Variants in GALNT13 observed in about 807,000 individuals in gnomAD.
The protein encoded by GALNT13 is UDP-GalNAc:polypeptide N-acetylgalactosaminyltransferase 13.
Under a neutral mutation model 64.2 loss-of-function variants are expected in GALNT13, and 28 were observed. The observed-to-expected ratio is 0.44, with a 90% CI of 0.32 to 0.60. The LOEUF is 0.60. Among genes scored for constraint, GALNT13 ranks in the 20% least tolerant of loss-of-function variants. The probability of loss-of-function intolerance (pLI) is 0.05; values close to 1 mark genes in which losing one functional copy is unlikely to be tolerated. For missense variants in GALNT13, 577 were observed against 669.8 expected (o/e 0.86, Z 1.53); for synonymous variants, 214 against 224.6 (o/e 0.95, Z 0.42).
intron 1 of GALNT13, among the ~76,000 whole-genome samples, chr2:153,884,824 T>C (rs560401334): frequency 8.4e-4 from 95 of 112,538 alleles, no homozygotes; most frequent in Admixed American, 1.8e-3. Context: ...TGTGTGTATA[T>C]ATATGTGTGT....
chr2:154,114,677 T>A (rs1703186789), intron 3 of GALNT13, among the ~76,000 whole-genome samples: 1 of 152,154 alleles, frequency 6.6e-6, no homozygotes, highest in Non-Finnish European at 1.5e-5. Flanking sequence ...GGGCCATGTT[T>A]CTCTGTTTTT....
chr2:154,363,549 A>C (rs1300316898), intron 9 of GALNT13, among the ~76,000 whole-genome samples: 1 of 152,214 alleles, frequency 6.6e-6, no homozygotes, highest in Non-Finnish European at 1.5e-5. Flanking sequence ...TGGTGATGAA[A>C]GAAAATTAAA....
chr2:153,429,703 T>C, the GALNT13 span, among the ~76,000 whole-genome samples: 1 of 152,128 alleles, frequency 6.6e-6, no homozygotes, highest in African/African-American at 2.4e-5. Flanking sequence ...CTGCTGGTAT[T>C]TCGAAGTACA....
intron 1 of GALNT13, among the ~76,000 whole-genome samples, chr2:153,896,779 C>A (rs1687922867): frequency 6.6e-6 from 1 of 152,050 alleles, no homozygotes; most frequent in Non-Finnish European, 1.5e-5. Context: ...TTGTTCTCTT[C>A]TTAAAAATAC....
intron 3 of GALNT13, among the ~76,000 whole-genome samples, chr2:154,102,069 T>C (rs1410189244): frequency 1.3e-5 from 2 of 152,216 alleles, no homozygotes; most frequent in Non-Finnish European, 2.9e-5. Flanking sequence ...AGGTATATGG[T>C]CAATTTTGAA....
At chr2:153,139,123 A>G in the GALNT13 span, among the ~76,000 whole-genome samples, 2 of 152,212 alleles carry the variant, frequency 1.3e-5, no homozygotes, top group African/African-American at 2.4e-5. Flanking sequence ...AGCAGTCAAC[A>G]TGAGATTTCT....
At chr2:154,303,635 G>A (rs1049089611) in intron 9 of GALNT13, among the ~76,000 whole-genome samples, 1 of 152,030 alleles carries the variant, frequency 6.6e-6, no homozygotes, top group Non-Finnish European at 1.5e-5. Context: ...TCCTATATCA[G>A]CGACTAACCC....
chr2:153,738,608 T>C, the GALNT13 span, among the ~76,000 whole-genome samples: 1 of 151,988 alleles, frequency 6.6e-6, no homozygotes, highest in Non-Finnish European at 1.5e-5. Context: ...AAAATTGTAG[T>C]ATGTATATGT....
At chr2:154,145,119 T>TATATATATATATACAC (rs1444821982) in intron 4 of GALNT13, among the ~76,000 whole-genome samples, 3 of 137,284 alleles carry the variant, frequency 2.2e-5, no homozygotes, top group Admixed American at 1.5e-4. Context: ...TATATATATA[T>TATATATATATATACAC]ACACACACTA....
the GALNT13 span, among the ~76,000 whole-genome samples, chr2:153,500,208 G>A: frequency 6.6e-6 from 1 of 152,184 alleles, no homozygotes; most frequent in African/African-American, 2.4e-5. Flanking sequence ...GCCTATCTAA[G>A]GGTTCCCAGT....
intron 2 of GALNT13, among the ~76,000 whole-genome samples, chr2:153,914,271 G>A (rs1689178238): frequency 6.6e-6 from 1 of 151,990 alleles, no homozygotes; most frequent in South Asian, 2.1e-4. Context: ...TGTCCTTGAG[G>A]TCAGGAGTTC....
At chr2:153,755,635 T>G in the GALNT13 span, among the ~76,000 whole-genome samples, 1 of 152,296 alleles carries the variant, frequency 6.6e-6, no homozygotes, top group Non-Finnish European at 1.5e-5. Flanking sequence ...ACTTATATAT[T>G]TTGTATATTA....
At chr2:154,422,684 T>G (rs2105428132) in intron 11 of GALNT13, among the ~76,000 whole-genome samples, 1 of 152,296 alleles carries the variant, frequency 6.6e-6, no homozygotes, top group African/African-American at 2.4e-5. Flanking sequence ...ATTTTTTCTT[T>G]TAGACAAAAA....
intron 1 of GALNT13, among the ~76,000 whole-genome samples, chr2:153,895,513 C>T (rs1446433893): frequency 1.3e-5 from 2 of 152,008 alleles, no homozygotes; most frequent in African/African-American, 4.8e-5. Context: ...GGTAATTAAA[C>T]TCAACATGTA....
chr2:154,327,171 G>T (rs965982369), intron 9 of GALNT13, among the ~76,000 whole-genome samples: 1 of 151,810 alleles, frequency 6.6e-6, no homozygotes, highest in African/African-American at 2.4e-5. Context: ...GTTTTATAAG[G>T]GGCTCTTCCT....
the GALNT13 span, among the ~76,000 whole-genome samples, chr2:153,194,501 T>TTC: frequency 1.3e-5 from 2 of 152,206 alleles, no homozygotes; most frequent in South Asian, 4.1e-4. Flanking sequence ...TTTTTTTGTA[T>TTC]TGTTACCTGT....
At chr2:153,490,959 C>CAA in the GALNT13 span, among the ~76,000 whole-genome samples, 1,707 of 96,018 alleles carry the variant, frequency 0.018, 42 homozygotes, top group African/African-American at 0.057. Context: ...GACTCTGTCT[C>CAA]AAAAAAAAAA....
the GALNT13 span, among the ~76,000 whole-genome samples, chr2:153,278,457 A>C: frequency 1.3e-5 from 2 of 152,086 alleles, no homozygotes; most frequent in South Asian, 4.1e-4. Context: ...GGTGTTTCCC[A>C]GGTTTTCTTC....
chr2:153,222,327 T>TGGGGGGGGGGGGGG, the GALNT13 span, among the ~76,000 whole-genome samples: 4 of 95,580 alleles, frequency 4.2e-5, no homozygotes, highest in Non-Finnish European at 6.3e-5. Context: ...GGGGGGGGGG[T>TGGGGGGGGGGGGGG]GGGGTGGGGG....
Sources: allele counts gnomAD v4.1 joint callset (sites outside exome capture counted in the v4.1 genomes callset), GRCh38; gene constraint gnomAD v4.1.1; transcripts MANE v1.5; gene names NCBI Gene and HGNC (gene_info 2026-07-23, HGNC 2026-07-21).